Variants in ROBO2 observed in about 807,000 individuals in gnomAD.
The protein encoded by ROBO2 is roundabout homolog 2.
Under a neutral mutation model 160.8 loss-of-function variants are expected in ROBO2, and 53 were observed. The observed-to-expected ratio is 0.33, with a 90% CI of 0.26 to 0.41. ROBO2 has a LOEUF of 0.41. Ranked by LOEUF, ROBO2 falls within the 10% of genes least tolerant of loss-of-function variation. The pLI is 1.00. For synonymous variants in ROBO2, 664 were observed against 611.7 expected, an observed-to-expected ratio of 1.09 and a Z score of -1.26; for missense variants, 1,577 against 1,722.4, an observed-to-expected ratio of 0.92 and a Z score of 1.49.
intron 2 of ROBO2, among the ~76,000 whole-genome samples, chr3:77,353,342 T>C (rs1481530691): frequency 6.6e-6 from 1 of 152,214 alleles, no homozygotes; most frequent in African/African-American, 2.4e-5. Context: ...TTCCTTGTTT[T>C]AGATAAAGCA....
chr3:76,889,459 A>C (rs2074170656), intron 2 of ROBO2, among the ~76,000 whole-genome samples: 1 of 152,202 alleles, frequency 6.6e-6, no homozygotes, highest in South Asian at 2.1e-4. Context: ...AAAATGATAA[A>C]ATCACCAAAA....
chr3:76,036,834 A>G (rs2067125689), intron 2 of ROBO2, among the ~76,000 whole-genome samples: 1 of 151,974 alleles, frequency 6.6e-6, no homozygotes, highest in Non-Finnish European at 1.5e-5. Context: ...GTGTTTTCTC[A>G]TCTATAAAAT....
At chr3:77,227,756 C>G (rs76089633) in intron 2 of ROBO2, among the ~76,000 whole-genome samples, 172 of 152,330 alleles carry the variant, frequency 1.1e-3, no homozygotes, top group African/African-American at 3.9e-3. Flanking sequence ...ACAGGTTATG[C>G]TATTCACTCA....
At chr3:77,321,413 C>T (rs186485613) in intron 2 of ROBO2, among the ~76,000 whole-genome samples, 1 of 151,788 alleles carries the variant, frequency 6.6e-6, no homozygotes, top group Non-Finnish European at 1.5e-5. Context: ...GCTGCTTGGG[C>T]GGTTGAGATA....
chr3:75,926,723 AG>A (rs1425925937), intron 1 of ROBO2, among the ~76,000 whole-genome samples: 9 of 152,208 alleles, frequency 5.9e-5, no homozygotes, highest in African/African-American at 1.9e-4. Context: ...ATTCAGCAAA[AG>A]TAACAGTGAT....
chr3:75,908,323 T>C (rs1946435983), intron 1 of ROBO2, among the ~76,000 whole-genome samples: 1 of 152,142 alleles, frequency 6.6e-6, no homozygotes, highest in African/African-American at 2.4e-5. Flanking sequence ...ATATTTTATT[T>C]TGTTCTTTCT....
intron 24 of ROBO2, among the ~76,000 whole-genome samples, chr3:77,636,484 G>A (rs143930175): frequency 0.011 from 1,617 of 151,920 alleles, 27 homozygotes; most frequent in African/African-American, 0.038. Flanking sequence ...CCCAGCTACT[G>A]AGGAGGCTGA....
At chr3:77,149,062 G>A (rs1164074852) in intron 2 of ROBO2, among the ~76,000 whole-genome samples, 2 of 134,286 alleles carry the variant, frequency 1.5e-5, no homozygotes, top group African/African-American at 2.9e-5. Context: ...TTTTGAGACA[G>A]TCTCGCACTG....
intron 2 of ROBO2, among the ~76,000 whole-genome samples, chr3:76,800,736 G>A (rs2064133603): frequency 6.6e-6 from 1 of 152,174 alleles, no homozygotes. Context: ...ATGCTGGTGG[G>A]GGTATGGAGA....
At chr3:76,878,188 C>CAA (rs11417818) in intron 2 of ROBO2, among the ~76,000 whole-genome samples, 7 of 151,556 alleles carry the variant, frequency 4.6e-5, no homozygotes, top group Non-Finnish European at 5.9e-5. Context: ...ATGACGTCTT[C>CAA]AAAAAAAACC....
chr3:76,161,717 T>C (rs1251988326), intron 2 of ROBO2, among the ~76,000 whole-genome samples: 1 of 152,192 alleles, frequency 6.6e-6, no homozygotes, highest in African/African-American at 2.4e-5. Context: ...AAGTTTTCCC[T>C]ATGTTCACAT....
intron 2 of ROBO2, among the ~76,000 whole-genome samples, chr3:76,309,970 T>G (rs571464179): frequency 6.6e-6 from 1 of 152,040 alleles, no homozygotes; most frequent in South Asian, 2.1e-4. Flanking sequence ...ACTACAGGCG[T>G]ACCACCATGC....
chr3:77,030,274 A>AT (rs1190052523), intron 2 of ROBO2, among the ~76,000 whole-genome samples: 2 of 152,110 alleles, frequency 1.3e-5, no homozygotes, highest in East Asian at 1.9e-4. Flanking sequence ...ACTAAAATAG[A>AT]TTTTTTTAAG....
chr3:77,182,701 C>A (rs1460763888), intron 2 of ROBO2, among the ~76,000 whole-genome samples: 1 of 151,954 alleles, frequency 6.6e-6, no homozygotes, highest in Non-Finnish European at 1.5e-5. Flanking sequence ...TAGCTTTATC[C>A]CTGAAACTGC....
At chr3:77,448,147 A>G (rs1329065670) in intron 2 of ROBO2, among the ~76,000 whole-genome samples, 1 of 152,100 alleles carries the variant, frequency 6.6e-6, no homozygotes, top group Non-Finnish European at 1.5e-5. Flanking sequence ...TTTGAGAAAA[A>G]TAATGCAGTG....
chr3:77,247,898 G>A (rs186600788), intron 2 of ROBO2, among the ~76,000 whole-genome samples: 1 of 152,254 alleles, frequency 6.6e-6, no homozygotes, highest in Admixed American at 6.5e-5. Flanking sequence ...TGGGTCTCTG[G>A]CGAGGGCCCC....
chr3:77,245,635 G>A (rs2089638714), intron 2 of ROBO2, among the ~76,000 whole-genome samples: 1 of 152,200 alleles, frequency 6.6e-6, no homozygotes, highest in South Asian at 2.1e-4. Flanking sequence ...GTGGATACAA[G>A]GGAGATTCAG....
chr3:76,517,224 T>C (rs1295500901), intron 2 of ROBO2, among the ~76,000 whole-genome samples: 3 of 152,160 alleles, frequency 2.0e-5, no homozygotes, highest in African/African-American at 4.8e-5. Context: ...TATGTGAGTG[T>C]TTAATGAGTG....
chr3:77,529,621 C>G (rs2153633526), intron 6 of ROBO2, among the ~76,000 whole-genome samples: 1 of 151,884 alleles, frequency 6.6e-6, no homozygotes, highest in African/African-American at 2.4e-5. Flanking sequence ...GTGATATACA[C>G]AGAGTATTGA....
Sources: allele counts gnomAD v4.1 joint callset (sites outside exome capture counted in the v4.1 genomes callset), GRCh38; gene constraint gnomAD v4.1.1; transcripts MANE v1.5; gene names NCBI Gene and HGNC (gene_info 2026-07-23, HGNC 2026-07-21).